The following CLNK variants were observed in gnomAD, a reference collection of about 807,000 sequenced individuals.
The protein encoded by CLNK is cytokine dependent hematopoietic cell linker, also known as cytokine-dependent hematopoietic cell linker.
A neutral mutation model predicts 68.6 loss-of-function variants in CLNK; 74 were observed. The observed-to-expected ratio is 1.08, with a 90% CI of 0.89 to 1.31. CLNK has a LOEUF of 1.31. Among genes scored for constraint, CLNK ranks in the 50% most tolerant of loss-of-function variants. The probability of loss-of-function intolerance (pLI) is 0.00; values close to 1 mark genes in which losing one functional copy is unlikely to be tolerated. For missense variants in CLNK, 553 were observed against 515.3 expected, an observed-to-expected ratio of 1.07 and a Z score of -0.71; for synonymous variants, 198 against 172.2, an observed-to-expected ratio of 1.15 and a Z score of -1.17.
chr4:10,584,995 C>G, intron 3 of CLNK, 40 bp from the exon 4 acceptor site: 1 of 1,609,538 alleles, frequency 6.2e-7, no homozygotes, highest in Non-Finnish European at 8.5e-7. Context: ...GTCCATTGCT[C>G]CACCTCCACC....
At position 10,632,555 on chromosome 4, in the gene CLNK, G is replaced by T. The variant is rs942488052; in HGVS notation, c.12-34506C>A. Among the ~76,000 whole-genome samples the T allele has an allele frequency of 3.9e-5, 6 of 152,340 alleles. No homozygotes were observed. The South Asian group carries it at 1.0e-3, about 26-fold the overall frequency. ...TAAGTTGAAATGCCACAAGGGCAGG[G>T]TCATCTTTTTTTGTGCATCATTGTA... On this transcript the variant is annotated intron_variant, in intron 2 of 18. Transcript: ENST00000226951.
At chr4:10,636,643 TAGC>T (rs1723103942) in intron 2 of CLNK, among the ~76,000 whole-genome samples, 1 of 152,060 alleles carries the variant, frequency 6.6e-6, no homozygotes, top group Non-Finnish European at 1.5e-5. Flanking sequence ...GCAGAAGGAA[TAGC>T]AGCACGCCAA....
chr4:10,564,540 C>T, intron 7 of CLNK, 131 bp downstream of exon 7: 1 of 661,932 alleles, frequency 1.5e-6, no homozygotes, highest in Non-Finnish European at 2.7e-6. Context: ...AGTCACCTCC[C>T]ATCCACCTCA....
At chr4:10,650,416 G>T (rs897244995) in intron 2 of CLNK, among the ~76,000 whole-genome samples, 1 of 151,948 alleles carries the variant, frequency 6.6e-6, no homozygotes, top group Non-Finnish European at 1.5e-5. Context: ...ATCCAAAGCA[G>T]GTTAAATAAG....
chr4:10,666,550 C>T (rs1724401306), intron 2 of CLNK, among the ~76,000 whole-genome samples: 2 of 152,202 alleles, frequency 1.3e-5, no homozygotes, highest in South Asian at 2.1e-4. Context: ...ACTTGAATTC[C>T]AGCTCCATCT....
At chr4:10,678,033 T>C (rs749478440) in intron 1 of CLNK, among the ~76,000 whole-genome samples, 1 of 152,340 alleles carries the variant, frequency 6.6e-6, no homozygotes, top group East Asian at 1.9e-4. Flanking sequence ...ACAGTGTGGA[T>C]CCAGATGAGA....
the CLNK span, among the ~76,000 whole-genome samples, chr4:10,711,601 A>G: frequency 1.7e-5 from 1 of 59,952 alleles, no homozygotes. Context: ...CCCTAAATTT[A>G]TAAAAAAACT....
At chr4:10,501,716 C>T (rs893317719) in intron 17 of CLNK, among the ~76,000 whole-genome samples, 1 of 152,160 alleles carries the variant, frequency 6.6e-6, no homozygotes, top group African/African-American at 2.4e-5. Flanking sequence ...CACCGGAGGT[C>T]AGGAGTTTGA....
chr4:10,548,709 G>A (rs1719332903), intron 8 of CLNK, among the ~76,000 whole-genome samples: 1 of 152,184 alleles, frequency 6.6e-6, no homozygotes, highest in Non-Finnish European at 1.5e-5. Flanking sequence ...GTCCTGCCCT[G>A]TGCAGAGGAA....
the CLNK span, among the ~76,000 whole-genome samples, chr4:10,725,721 G>A: frequency 8.5e-5 from 13 of 152,144 alleles, no homozygotes; most frequent in East Asian, 7.7e-4. Flanking sequence ...CGGGCGTGTT[G>A]GCGGGCGCCT....
upstream of CLNK, among the ~76,000 whole-genome samples, chr4:10,686,773 T>C (rs1337018624): frequency 6.6e-6 from 1 of 152,072 alleles, no homozygotes. Context: ...CATGTTCACA[T>C]CCAATTGGTG....
chr4:10,523,674 G>A (rs780490356), intron 14 of CLNK, among the ~76,000 whole-genome samples: 1 of 152,144 alleles, frequency 6.6e-6, no homozygotes, highest in Non-Finnish European at 1.5e-5. Context: ...CAACTGGAGA[G>A]CTTGTTATTT....
chr4:10,533,019 A>C (rs1363760703), intron 11 of CLNK, among the ~76,000 whole-genome samples: 2 of 152,202 alleles, frequency 1.3e-5, no homozygotes, highest in Non-Finnish European at 2.9e-5. Flanking sequence ...GCACTTTGGG[A>C]GGCTGAGGCA....
intron 2 of CLNK, among the ~76,000 whole-genome samples, chr4:10,638,573 A>G (rs1470324651): frequency 6.6e-6 from 1 of 152,166 alleles, no homozygotes; most frequent in Non-Finnish European, 1.5e-5. Flanking sequence ...AATTGTGAAA[A>G]TCTATAATGC....
chr4:10,585,944 TG>T (rs1366209221), intron 3 of CLNK, among the ~76,000 whole-genome samples: 1 of 151,694 alleles, frequency 6.6e-6, no homozygotes, highest in East Asian at 1.9e-4. Flanking sequence ...CAGATGGGGG[TG>T]GGGGATGGTT....
the CLNK span, among the ~76,000 whole-genome samples, chr4:10,710,730 G>A: frequency 6.6e-6 from 1 of 152,164 alleles, no homozygotes; most frequent in African/African-American, 2.4e-5. Flanking sequence ...ATTCCTATTA[G>A]ATTAGGGTAA....
intron 2 of CLNK, among the ~76,000 whole-genome samples, chr4:10,617,588 A>G (rs1484510566): frequency 1.3e-5 from 2 of 152,220 alleles, no homozygotes; most frequent in Non-Finnish European, 2.9e-5. Context: ...CAATGAAATA[A>G]TAGTCAATTT....
intron 1 of CLNK, among the ~76,000 whole-genome samples, chr4:10,671,153 A>T (rs1247192817): frequency 6.6e-6 from 1 of 152,150 alleles, no homozygotes; most frequent in Non-Finnish European, 1.5e-5. Context: ...TGGGAGGCCG[A>T]GGCGACTGGA....
chr4:10,608,710 T>G (rs1414393735), intron 2 of CLNK, among the ~76,000 whole-genome samples: 4 of 152,226 alleles, frequency 2.6e-5, no homozygotes, highest in African/African-American at 9.6e-5. Context: ...ATGCATTAAG[T>G]AGCCTCTGTG....
Sources: gnomAD v4.1 joint callset for allele counts (sites outside exome capture counted in the v4.1 genomes callset) on GRCh38, gnomAD v4.1.1 for gene constraint, MANE v1.5 for transcripts, NCBI Gene and HGNC (gene_info 2026-07-23, HGNC 2026-07-21) for gene names.